Variants in GAS2 observed in about 807,000 individuals in gnomAD.
The protein encoded by GAS2 is growth arrest-specific protein 2.
Under a neutral mutation model 37.5 loss-of-function variants are expected in GAS2, and 20 were observed. The observed-to-expected ratio is 0.53, with a 90% confidence interval of 0.37 to 0.77. The LOEUF (loss-of-function observed/expected upper bound fraction) is 0.77, where lower values mean the gene tolerates loss of function less well. GAS2 is among the 30% of genes least tolerant of loss of function. GAS2 has a pLI of 0.00. For missense variants in GAS2, 336 were observed against 373.4 expected, an observed-to-expected ratio of 0.90 and a Z score of 0.82; for synonymous variants, 144 against 132.2, an observed-to-expected ratio of 1.09 and a Z score of -0.61.
intron 7 of GAS2, among the ~76,000 whole-genome samples, chr11:22,772,645 A>C (rs768416365): frequency 5.3e-5 from 8 of 152,138 alleles, no homozygotes; most frequent in Non-Finnish European, 1.0e-4. Flanking sequence ...TTTTGAAGGC[A>C]GTTCAGGTCT....
chr11:22,806,447 T>C (rs936116545), intron 7 of GAS2, among the ~76,000 whole-genome samples: 6 of 152,188 alleles, frequency 3.9e-5, no homozygotes, highest in Admixed American at 6.5e-5. Flanking sequence ...ACTGATTTCA[T>C]TTCGCTTGTA....
intron 1 of GAS2, among the ~76,000 whole-genome samples, chr11:22,631,507 G>A (rs1225447413): frequency 6.6e-6 from 1 of 152,058 alleles, no homozygotes; most frequent in Non-Finnish European, 1.5e-5. Context: ...TCTGTGCTTA[G>A]TTTGTTGAGG....
In GAS2 at chr11:22,674,964, A is replaced by G. The variant is rs749802933; in HGVS notation, c.95A>G (p.Asn32Ser). 6.2e-7 allele frequency: 1 copy of G among 1,613,970 alleles called. No homozygotes were observed. The highest frequency in any genetic ancestry group is 2.2e-5 in the East Asian group (1 of 44,876). Reference protein sequence around the residue: ...SQWLASRHEANLLPMKEDLAL... With the variant: ...SQWLASRHEASLLPMKEDLAL... ...TGGCTAGCCAGCAGACATGAAGCTA[A>G]TTTGCTACCAATGAAAGAAGATCTG... The change falls in exon 2 of 8, where the codon AAT (asparagine) becomes AGT (serine). Residue 32 changes from asparagine (N) to serine (S), a missense_variant. Transcript: ENST00000454584.
intron 1 of GAS2, among the ~76,000 whole-genome samples, chr11:22,646,500 T>C (rs965046036): frequency 2.0e-5 from 3 of 152,218 alleles, no homozygotes; most frequent in African/African-American, 7.2e-5. Context: ...TTTCGAATTT[T>C]GTAATCTCAT....
intron 1 of GAS2, among the ~76,000 whole-genome samples, chr11:22,629,035 G>GTGTGTGTGTATATATATATATATA (rs1565057619): frequency 1.3e-5 from 2 of 151,350 alleles, no homozygotes; most frequent in African/African-American, 4.9e-5. Flanking sequence ...ATGCATGTGT[G>GTGTGTGTGTATATATATATATATA]TATATATATA....
At chr11:22,776,172 A>G (rs1056537530) in intron 7 of GAS2, among the ~76,000 whole-genome samples, 5 of 152,220 alleles carry the variant, frequency 3.3e-5, no homozygotes, top group African/African-American at 1.2e-4. Context: ...AGTGAACAAA[A>G]TAGTCAGGTT....
chr11:22,749,056 G>A lies in GAS2; in HGVS notation c.474-64G>A, dbSNP rs1346476526. 4.2e-6 allele frequency: 6 copies of A among 1,420,398 alleles called. No individual in the cohort carries two copies. In the Admixed American group the frequency reaches 1.3e-4, roughly 32 times the overall value. 88.0% of individuals were successfully genotyped at this position (1,420,398 alleles called of 1,614,324 possible). ...ACTCCCATGGTGCTCATCATCACAT[G>A]TAATATATGGTAATTGTATCATTAT... On this transcript the variant is annotated intron_variant, in intron 5 of 7. Coordinates refer to ENST00000454584, the MANE Select transcript of GAS2 (RefSeq NM_001143830.3).
At chr11:22,671,090 A>C (rs1000306836) in intron 1 of GAS2, among the ~76,000 whole-genome samples, 5 of 152,102 alleles carry the variant, frequency 3.3e-5, no homozygotes, top group Admixed American at 1.3e-4. Context: ...CAAACTAGAC[A>C]GAGTCTTTAA....
intron 4 of GAS2, among the ~76,000 whole-genome samples, chr11:22,732,283 A>AAAGAGC (rs1157772775): frequency 1.3e-5 from 2 of 151,660 alleles, no homozygotes; most frequent in African/African-American, 4.8e-5. Context: ...CTAGAGGAAA[A>AAAGAGC]AAGAGCGCTC....
chr11:22,663,321 C>T (rs965498653), upstream of GAS2, among the ~76,000 whole-genome samples: 4 of 151,524 alleles, frequency 2.6e-5, no homozygotes, highest in African/African-American at 9.7e-5. Context: ...TCCCACCTAC[C>T]GTGACACTGA....
chr11:22,671,326 T>C (rs149746585), intron 1 of GAS2, among the ~76,000 whole-genome samples: 4 of 152,262 alleles, frequency 2.6e-5, no homozygotes, highest in African/African-American at 4.8e-5. Flanking sequence ...TGGTTATCCA[T>C]TTTAGGTAGA....
chr11:22,666,689 T>A lies in GAS2; in HGVS notation c.-231T>A, dbSNP rs1231860985. On this transcript the variant is annotated 5_prime_UTR_variant, in exon 1 of 8. Coordinates refer to ENST00000454584, the MANE Select transcript of GAS2 (RefSeq NM_001143830.3). Reference sequence around the variant, plus strand: ...TTCTGGCAGGGAGAAAAAATCGTTTTCCCAAACAGCACTAAAAGGAGCCAT... The same window carrying A: ...TTCTGGCAGGGAGAAAAAATCGTTTACCCAAACAGCACTAAAAGGAGCCAT... 1 of 152,318 alleles carries A rather than the reference T, an allele frequency of 6.6e-6. No individual in the cohort carries two copies. The highest frequency in any genetic ancestry group is 1.9e-4 in the East Asian group (1 of 5,192). The allele number at this position is 152,318 out of a possible 1,614,324, so 9.4% of individuals were successfully genotyped here. A position where few individuals can be genotyped will look rare whatever the true frequency, so the allele number is the denominator to read the frequency against.
At chr11:22,626,002 A>G in intron 1 of GAS2, 4 of 695,318 alleles carry the variant, frequency 5.8e-6, no homozygotes, top group East Asian at 2.7e-5. Context: ...TACTTTCGCC[A>G]CACAAAGAGG....
chr11:22,759,656 A>G (rs1266417056), intron 7 of GAS2, among the ~76,000 whole-genome samples: 1 of 152,222 alleles, frequency 6.6e-6, no homozygotes, highest in Non-Finnish European at 1.5e-5. Flanking sequence ...GTGACTTTGA[A>G]TTTGGACAGC....
At chr11:22,662,480 C>T (rs562418054), upstream of GAS2, among the ~76,000 whole-genome samples, 1 of 152,100 alleles carries the variant, frequency 6.6e-6, no homozygotes, top group Non-Finnish European at 1.5e-5. Context: ...TACTATATGT[C>T]TAATGATATT....
intron 5 of GAS2, among the ~76,000 whole-genome samples, chr11:22,745,391 G>A (rs1309992319): frequency 6.6e-6 from 1 of 152,030 alleles, no homozygotes; most frequent in Non-Finnish European, 1.5e-5. Flanking sequence ...AAATGGTGCT[G>A]GGATAATGAG....
At chr11:22,654,170 C>T (rs1403976671) in intron 1 of GAS2, among the ~76,000 whole-genome samples, 1 of 152,138 alleles carries the variant, frequency 6.6e-6, no homozygotes, top group Non-Finnish European at 1.5e-5. Flanking sequence ...TGTTGTTTTA[C>T]ATCGTTAATT....
At chr11:22,666,467 C>T (rs1306001675), upstream of GAS2, 2 of 152,238 alleles carry the variant, frequency 1.3e-5, no homozygotes, top group Non-Finnish European at 2.9e-5. Context: ...CACCTTTTCT[C>T]TCTTAGGTTA....
intron 6 of GAS2, 87 bp downstream of exon 6, chr11:22,749,348 T>C: frequency 8.5e-7 from 1 of 1,178,614 alleles, no homozygotes; most frequent in East Asian, 2.5e-5. Flanking sequence ...ATCAGTCTAA[T>C]CTTTACCTAT....
Sources: allele counts gnomAD v4.1 joint callset (sites outside exome capture counted in the v4.1 genomes callset), GRCh38; gene constraint gnomAD v4.1.1; transcripts MANE v1.5; gene names NCBI Gene and HGNC (gene_info 2026-07-23, HGNC 2026-07-21).